CACNA1A: variants seen among roughly 807,000 people sequenced by gnomAD.
CACNA1A encodes the protein calcium voltage-gated channel subunit alpha1 A, also known as voltage-dependent P/Q-type calcium channel subunit alpha-1A.
In CACNA1A, 57 loss-of-function variants were observed where a neutral mutation model predicts 262.4. That is an observed-to-expected ratio of 0.22 (90% confidence interval 0.18 to 0.27). CACNA1A has a LOEUF of 0.27. Among genes scored for constraint, CACNA1A ranks in the 10% least tolerant of loss-of-function variants. The pLI is 1.00. For synonymous variants in CACNA1A, 1,431 were observed against 1,419.3 expected, an observed-to-expected ratio of 1.01 and a Z score of -0.18; for missense variants, 2,526 against 3,562.8, an observed-to-expected ratio of 0.71 and a Z score of 7.41.
intron 2 of CACNA1A, among the ~76,000 whole-genome samples, chr19:13,453,221 T>A (rs2060947113): frequency 6.6e-6 from 1 of 152,220 alleles, no homozygotes; most frequent in Non-Finnish European, 1.5e-5. Flanking sequence ...GGCACCTTCC[T>A]CCTTCATTCC....
intron 8 of CACNA1A, chr19:13,334,135 G>A (rs750087522): frequency 6.4e-5 from 31 of 482,580 alleles, no homozygotes; most frequent in Middle Eastern, 5.7e-4. Flanking sequence ...TGGCAGGGCC[G>A]GGATGTAAAC....
intron 15 of CACNA1A, among the ~76,000 whole-genome samples, chr19:13,304,520 G>A (rs1300732474): frequency 1.3e-5 from 2 of 151,924 alleles, no homozygotes; most frequent in Non-Finnish European, 2.9e-5. Context: ...TACTCAAGGG[G>A]CTGAGGTGGG....
At chr19:13,379,100 C>T (rs577914197) in intron 3 of CACNA1A, among the ~76,000 whole-genome samples, 1 of 151,932 alleles carries the variant, frequency 6.6e-6, no homozygotes, top group East Asian at 1.9e-4. Context: ...CCCACCTCAG[C>T]CTCTCATGTA....
At chr19:13,302,326 G>GC (rs111662627) in intron 17 of CACNA1A, among the ~76,000 whole-genome samples, 22 of 152,246 alleles carry the variant, frequency 1.4e-4, no homozygotes, top group African/African-American at 4.8e-4. Context: ...TTGAATCCCT[G>GC]CTCCACGGAG....
intron 3 of CACNA1A, among the ~76,000 whole-genome samples, chr19:13,428,671 G>T (rs1016368530): frequency 2.1e-4 from 32 of 152,204 alleles, no homozygotes; most frequent in African/African-American, 7.7e-4. Flanking sequence ...AGCCTGTGAA[G>T]GGAAAAGCCA....
chr19:13,445,342 G>T lies in CACNA1A; in HGVS notation c.539+7534C>A, dbSNP rs2060790681. 3.3e-5 allele frequency among the ~76,000 whole-genome samples: 5 copies of T among 152,108 alleles called. No homozygotes were observed. In the South Asian group the frequency reaches 1.0e-3, roughly 31 times the overall value. On this transcript the variant is annotated intron_variant, in intron 3 of 46. Transcript: ENST00000360228. ...ATGTCAGAGCTGGCAAAGACCCAGA[G>T]CTTCTCTGTCTTATATCTCATCTGA...
chr19:13,282,052 G>C (rs1385183426), intron 22 of CACNA1A, among the ~76,000 whole-genome samples: 2 of 152,230 alleles, frequency 1.3e-5, no homozygotes. Context: ...GGGAAACCAG[G>C]CTGCGGGAAG....
intron 1 of CACNA1A, among the ~76,000 whole-genome samples, chr19:13,476,415 A>G (rs1317693749): frequency 6.6e-6 from 1 of 152,164 alleles, no homozygotes; most frequent in Non-Finnish European, 1.5e-5. Context: ...TCACCATTTC[A>G]GTTTTGAGCA....
In CACNA1A at chr19:13,299,265, G is replaced by A. The variant is rs2057739342; in HGVS notation, c.2368C>T (p.Arg790Trp). The A allele has an allele frequency of 1.2e-6, 2 of 1,606,468 alleles. No individual in the cohort carries two copies. The highest frequency in any genetic ancestry group is 1.7e-6 in the Non-Finnish European group (2 of 1,179,854). The part of the protein sequence containing the change: ...EMRKQNLLAS[R>W]EALYNEMDPD... ...TCCATTTCGTTATACAGGGCCTCCC[G>A]GCTGGCCAGCAAGTTCTGCTTTCGC... Residue 790 changes from arginine to tryptophan, a missense_variant, in exon 19 of 47, where the codon CGG becomes TGG. By Grantham distance (101) the Arg-to-Trp change is moderately radical. Coordinates refer to ENST00000360228, the MANE Select transcript of CACNA1A (RefSeq NM_001127222.2).
chr19:13,283,499 C>T (rs951527241), intron 21 of CACNA1A, 103 bp from the exon 22 acceptor site: 32 of 1,429,038 alleles, frequency 2.2e-5, no homozygotes, highest in Non-Finnish European at 3.1e-5. Flanking sequence ...AGATCTCCAA[C>T]CCCCAAGGCC....
At chr19:13,431,872 C>G (rs959979435) in intron 3 of CACNA1A, among the ~76,000 whole-genome samples, 4 of 151,568 alleles carry the variant, frequency 2.6e-5, no homozygotes, top group African/African-American at 9.7e-5. Flanking sequence ...TTTGGAAGCC[C>G]GAGGCAGGCA....
At chr19:13,486,454 A>G (rs1437051456) in intron 1 of CACNA1A, among the ~76,000 whole-genome samples, 1 of 152,128 alleles carries the variant, frequency 6.6e-6, no homozygotes, top group African/African-American at 2.4e-5. Flanking sequence ...TAAAAAAGAA[A>G]GAAGACACAT....
intron 3 of CACNA1A, among the ~76,000 whole-genome samples, chr19:13,399,230 C>T (rs534114974): frequency 2.0e-5 from 3 of 152,096 alleles, no homozygotes; most frequent in African/African-American, 4.8e-5. Context: ...TGGAGTTATG[C>T]GTGATTGGGC....
chr19:13,259,998 G>A (rs763217595), intron 26 of CACNA1A: 12 of 294,316 alleles, frequency 4.1e-5, no homozygotes, highest in Non-Finnish European at 2.6e-5. Flanking sequence ...CAGGGTGAGA[G>A]CCTCAGGCTT....
At chr19:13,505,013 T>C (rs974608961) in intron 1 of CACNA1A, among the ~76,000 whole-genome samples, 3 of 152,086 alleles carry the variant, frequency 2.0e-5, no homozygotes, top group African/African-American at 7.2e-5. Context: ...GATGTCCACA[T>C]GGGTGCTGAT....
intron 3 of CACNA1A, among the ~76,000 whole-genome samples, chr19:13,438,395 C>T (rs1351457471): frequency 6.6e-6 from 1 of 152,248 alleles, no homozygotes; most frequent in Non-Finnish European, 1.5e-5. Flanking sequence ...CTTAAGAAGG[C>T]TGAACACTTC....
At chr19:13,260,328 ATATAT>A (rs906767909) in intron 26 of CACNA1A, 11 of 75,666 alleles carry the variant, frequency 1.5e-4, no homozygotes, top group African/African-American at 4.9e-4. Context: ...ATATATATAT[ATATAT>A]TTTTGTTGTT....
chr19:13,255,009 A>C, intron 29 of CACNA1A, 86 bp downstream of exon 29: 203 of 1,288,208 alleles, frequency 1.6e-4, no homozygotes, highest in Non-Finnish European at 2.0e-4. Flanking sequence ...CTGTCTGGGA[A>C]ACTGCAGATG....
Position 13,432,633 on chromosome 19 carries a change from C to T in CACNA1A, c.539+20243G>A, listed in dbSNP as rs576648151. On this transcript the variant is annotated intron_variant, in intron 3 of 46. Coordinates refer to ENST00000360228, the MANE Select transcript of CACNA1A (RefSeq NM_001127222.2). Reference sequence around the variant, plus strand: ...GCATGGTGACCACAATTAATGATAACGTATTGTAGTGTATGTTTCAACGTA... The same window carrying T: ...GCATGGTGACCACAATTAATGATAATGTATTGTAGTGTATGTTTCAACGTA... Among the ~76,000 whole-genome samples, 8 of 150,812 alleles carry T rather than the reference C, an allele frequency of 5.3e-5. No homozygotes were observed. In the South Asian group the frequency reaches 1.0e-3, roughly 20 times the overall value.
Sources: gnomAD v4.1 joint callset for allele counts (sites outside exome capture counted in the v4.1 genomes callset) on GRCh38, gnomAD v4.1.1 for gene constraint, MANE v1.5 for transcripts, NCBI Gene and HGNC (gene_info 2026-07-23, HGNC 2026-07-21) for gene names.